PADI2: variants seen among roughly 807,000 people sequenced by gnomAD.
PADI2 encodes protein-arginine deiminase type-2.
In PADI2, 70 loss-of-function variants were observed where a neutral mutation model predicts 81.1. The ratio of observed to expected loss-of-function variants is 0.86; its 90% CI spans 0.71 to 1.05. PADI2 has a LOEUF of 1.05. Ranked by LOEUF, PADI2 falls within the 50% of genes least tolerant of loss-of-function variation. PADI2 has a pLI of 0.00. For synonymous variants in PADI2, 338 were observed against 358.0 expected, an observed-to-expected ratio of 0.94 and a Z score of 0.63; for missense variants, 853 against 889.9, an observed-to-expected ratio of 0.96 and a Z score of 0.53.
At chr1:17,109,319 T>A (rs1186173359) in intron 1 of PADI2, among the ~76,000 whole-genome samples, 11 of 125,252 alleles carry the variant, frequency 8.8e-5, no homozygotes, top group African/African-American at 2.8e-4. Flanking sequence ...ACCTGGGAGG[T>A]GGAGGTTGCA....
At chr1:17,101,619 A>C (rs967159378) in intron 3 of PADI2, among the ~76,000 whole-genome samples, 1 of 152,116 alleles carries the variant, frequency 6.6e-6, no homozygotes, top group African/African-American at 2.4e-5. Flanking sequence ...ACCAGCAACC[A>C]AGCCCATTTG....
chr1:17,084,686 G>A lies in PADI2; in HGVS notation c.851C>T (p.Pro284Leu), dbSNP rs1423922404. ...EYMAQDIPLT[P>L]IFTDTVIFRI... ...GAATATCACGGTGTCCGTGAAGATGGGAGTCAGGGGAATGTCCTGGGTGTG... is the reference window on the plus strand; with the variant it reads ...GAATATCACGGTGTCCGTGAAGATGAGAGTCAGGGGAATGTCCTGGGTGTG... Residue 284 changes from proline to leucine, a missense_variant, in exon 8 of 16, where the codon CCC becomes CTC. Coordinates refer to ENST00000375486, the MANE Select transcript of PADI2 (RefSeq NM_007365.3). The A allele has an allele frequency of 1.9e-6, 3 of 1,557,126 alleles. No homozygotes were observed. Among genetic ancestry groups the A allele is most frequent in the Admixed American group, 1.9e-5 (1 of 51,774 alleles).
intron 6 of PADI2, among the ~76,000 whole-genome samples, chr1:17,090,821 G>A (rs1223691628): frequency 1.3e-5 from 2 of 151,934 alleles, no homozygotes; most frequent in South Asian, 2.1e-4. Context: ...CAAGTGATGA[G>A]GAGGGATGAG....
At position 17,095,976 on chromosome 1, in the gene PADI2, G is replaced by A. The variant is rs201810710; in HGVS notation, c.350-6C>T. The A allele has an allele frequency of 6.2e-7, 1 of 1,601,462 alleles. No individual in the cohort carries two copies. The highest frequency in any genetic ancestry group is 1.7e-5 in the Admixed American group (1 of 58,332). On this transcript the variant is annotated splice_polypyrimidine_tract_variant and splice_region_variant and intron_variant, in intron 3 of 15. Coordinates refer to ENST00000375486, the MANE Select transcript of PADI2 (RefSeq NM_007365.3). ...GTCCACATCCAGGGAGATCTCTGGG[G>A]AGAAGAGACATGGGTGAGTTGCTGA...
At chr1:17,104,009 G>A (rs1240218896) in intron 2 of PADI2, among the ~76,000 whole-genome samples, 1 of 150,336 alleles carries the variant, frequency 6.7e-6, no homozygotes, top group East Asian at 2.0e-4. Context: ...CAGGCCGGCC[G>A]CGGTGGCTCA....
rs2078328460 is a variant in PADI2 at position 17,079,522 on chromosome 1, G to A, written c.1159-107C>T. 3.5e-6 allele frequency: 3 copies of A among 847,448 alleles called. No homozygotes were observed. In the African/African-American group the frequency reaches 5.1e-5, roughly 14 times the overall value. 52.5% of individuals were successfully genotyped at this position (847,448 alleles called of 1,614,324 possible). On this transcript the variant is annotated intron_variant, in intron 10 of 15. Transcript: ENST00000375486. ...TTCAGTCTGGGTCTGTGGGCACCCA[G>A]TTTCCAGGTGGGTTGTCCACGGTCT...
chr1:17,097,477 C>T (rs1930977923), intron 3 of PADI2, among the ~76,000 whole-genome samples: 1 of 152,180 alleles, frequency 6.6e-6, no homozygotes, highest in Non-Finnish European at 1.5e-5. Flanking sequence ...GAGTTAGGTG[C>T]TGTAAGGCAT....
In PADI2 at chr1:17,105,054, G is replaced by A. The variant is rs774582249; in HGVS notation, c.100C>T (p.Pro34Ser). 5 of 1,572,846 alleles carry A rather than the reference G, an allele frequency of 3.2e-6. 1 individual carries two copies. In the South Asian group the frequency reaches 5.7e-5, roughly 18 times the overall value. Reference protein sequence around the residue: ...YLWTDVYSAAPAGAQTFSLKH... With the variant: ...YLWTDVYSAASAGAQTFSLKH... The stretch of plus-strand genomic sequence containing the variant: ...AGGCTGAAGGTTTGGGCCCCGGCTG[G>A]GGCCGCGCTGTGGGGAGAGATGAGA... Residue 34 changes from proline (P) to serine (S), a missense_variant, in exon 2 of 16, where the codon CCA (proline) becomes TCA (serine). Pro to Ser is a moderately conservative substitution (Grantham distance 74, BLOSUM62 -1). Transcript: ENST00000375486.
chr1:17,108,372 G>A (rs955057590), intron 1 of PADI2, among the ~76,000 whole-genome samples: 1 of 152,102 alleles, frequency 6.6e-6, no homozygotes, highest in African/African-American at 2.4e-5. Context: ...CCTTCTGAAT[G>A]TCCATCTGTT....
chr1:17,108,736 G>A (rs1931470406), intron 1 of PADI2, among the ~76,000 whole-genome samples: 1 of 152,156 alleles, frequency 6.6e-6, no homozygotes, highest in African/African-American at 2.4e-5. Flanking sequence ...TCTTTTTATG[G>A]TGACTGATAA....
chr1:17,103,495 C>T (rs1409973105), intron 2 of PADI2, among the ~76,000 whole-genome samples: 1 of 152,118 alleles, frequency 6.6e-6, no homozygotes, highest in African/African-American at 2.4e-5. Flanking sequence ...CTCAGCCTCA[C>T]CACTTAGGCA....
At chr1:17,077,018 C>G (rs1295593321) in intron 11 of PADI2, among the ~76,000 whole-genome samples, 1 of 152,118 alleles carries the variant, frequency 6.6e-6, no homozygotes, top group African/African-American at 2.4e-5. Flanking sequence ...TCCCTCCCTT[C>G]CCCCGGTTCT....
At chr1:17,069,501 C>G (rs1016363820) in intron 15 of PADI2, among the ~76,000 whole-genome samples, 2 of 152,206 alleles carry the variant, frequency 1.3e-5, no homozygotes, top group East Asian at 3.9e-4. Context: ...TCACATATGT[C>G]TGTACATGTA....
At chr1:17,078,214 C>T (rs1201840183) in intron 11 of PADI2, among the ~76,000 whole-genome samples, 3 of 152,030 alleles carry the variant, frequency 2.0e-5, no homozygotes, top group Admixed American at 6.6e-5. Flanking sequence ...TGAGTTCAAG[C>T]GATTCTTCTG....
At chr1:17,076,881 C>A (rs910374148) in intron 11 of PADI2, among the ~76,000 whole-genome samples, 8 of 152,130 alleles carry the variant, frequency 5.3e-5, no homozygotes, top group Non-Finnish European at 8.8e-5. Flanking sequence ...CCGGCCAGCC[C>A]TTCCTCATTT....
chr1:17,098,801 C>T (rs942547162), intron 3 of PADI2, among the ~76,000 whole-genome samples: 4 of 152,210 alleles, frequency 2.6e-5, no homozygotes, highest in Non-Finnish European at 4.4e-5. Context: ...CATGGGACTT[C>T]GCCCCTGCAA....
At chr1:17,098,028 G>A (rs888200834) in intron 3 of PADI2, among the ~76,000 whole-genome samples, 1 of 152,120 alleles carries the variant, frequency 6.6e-6, no homozygotes, top group Non-Finnish European at 1.5e-5. Flanking sequence ...TCCAGGGGAG[G>A]CGTGACCACC....
chr1:17,093,597 A>G lies in PADI2; in HGVS notation c.499T>C (p.Cys167Arg), dbSNP rs1171278472. The change falls in exon 5 of 16, where the codon TGC becomes CGC. Residue 167 changes from cysteine to arginine, a missense_variant. Physicochemically the swap from Cys to Arg is radical, Grantham distance 180. Coordinates refer to ENST00000375486, the MANE Select transcript of PADI2 (RefSeq NM_007365.3). ...RETPWLPKEDCRDEKVYSKED... is the reference protein window; with the variant it reads ...RETPWLPKEDRRDEKVYSKED... ...TTGCTGTAGACCTTCTCATCACGGCAGTCCTCCTTGGGCAACCAGGGTGTC... is the reference window on the plus strand; with the variant it reads ...TTGCTGTAGACCTTCTCATCACGGCGGTCCTCCTTGGGCAACCAGGGTGTC... The G allele has an allele frequency of 2.5e-6, 4 of 1,613,616 alleles. No homozygotes were observed. The East Asian group carries it at 8.9e-5, about 36-fold the overall frequency.
chr1:17,093,582 C>A lies in PADI2; in HGVS notation c.514G>T (p.Val172Phe). The A allele has an allele frequency of 6.2e-7, 1 of 1,609,672 alleles. No individual in the cohort carries two copies. The highest frequency in any genetic ancestry group is 8.5e-7 in the Non-Finnish European group (1 of 1,176,024). Residue 172 changes from valine (V) to phenylalanine (F), a missense_variant, in exon 5 of 16, where the codon GTC (valine) becomes TTC (phenylalanine). Transcript: ENST00000375486. The stretch of plus-strand genomic sequence containing the variant: ...CTGCTGGCACCTTCCTTGCTGTAGA[C>A]CTTCTCATCACGGCAGTCCTCCTTG... Reference protein sequence around the residue: ...LPKEDCRDEKVYSKEDLKDMS... With the variant: ...LPKEDCRDEKFYSKEDLKDMS...
Sources: gnomAD v4.1 joint callset for allele counts (sites outside exome capture counted in the v4.1 genomes callset) on GRCh38, gnomAD v4.1.1 for gene constraint, MANE v1.5 for transcripts, NCBI Gene and HGNC (gene_info 2026-07-23, HGNC 2026-07-21) for gene names.